The following FAT3 variants were observed in gnomAD, a reference collection of about 807,000 sequenced individuals.
FAT3 encodes FAT atypical cadherin 3, also known as protocadherin Fat 3.
In FAT3, 95 loss-of-function variants were observed where a neutral mutation model predicts 310.2. The ratio of observed to expected loss-of-function variants is 0.31; its 90% confidence interval spans 0.26 to 0.36. The LOEUF (loss-of-function observed/expected upper bound fraction) is 0.36. Ranked by LOEUF, FAT3 falls within the 10% of genes least tolerant of loss-of-function variation. FAT3 has a pLI of 1.00. For synonymous variants in FAT3, 2,314 were observed against 2,192.9 expected, an observed-to-expected ratio of 1.06 and a Z score of -1.54; for missense variants, 5,408 against 5,715.6, an observed-to-expected ratio of 0.95 and a Z score of 1.74.
chr11:92,883,318 A>G lies in FAT3; in HGVS notation c.12862A>G (p.Asn4288Asp). Residue 4288 changes from asparagine to aspartate, a missense_variant, in exon 24 of 28, where the codon AAC becomes GAC. Transcript: ENST00000525166. The surrounding 1 kb of genome is among the most constrained non-coding windows in gnomAD (Gnocchi z 4.2). ...RGVVVCSVAP[N>D]LPAVSPCRSD... Reference sequence around the variant, plus strand: ...CGTGGTCGTGTGCAGTGTGGCCCCCAACCTCCCCGCCGTGTCACCCTGCCG... The same window carrying G: ...CGTGGTCGTGTGCAGTGTGGCCCCCGACCTCCCCGCCGTGTCACCCTGCCG... The G allele has an allele frequency of 6.2e-7, 1 of 1,610,650 alleles. No individual in the cohort carries two copies. The highest frequency in any genetic ancestry group is 8.5e-7 in the Non-Finnish European group (1 of 1,178,554).
At chr11:92,769,064 G>A (rs1284981275) in intron 6 of FAT3, among the ~76,000 whole-genome samples, 2 of 151,996 alleles carry the variant, frequency 1.3e-5, no homozygotes, top group Non-Finnish European at 2.9e-5. Context: ...GCATTTCTTT[G>A]TCTCCCACCA....
At chr11:92,476,696 CAG>C (rs1359687752) in intron 2 of FAT3, among the ~76,000 whole-genome samples, 2 of 152,150 alleles carry the variant, frequency 1.3e-5, no homozygotes, top group Non-Finnish European at 2.9e-5. Flanking sequence ...CGAAGACACT[CAG>C]AGTGCTTGGG....
At chr11:92,710,676 G>A (rs1347601148) in intron 4 of FAT3, among the ~76,000 whole-genome samples, 1 of 152,170 alleles carries the variant, frequency 6.6e-6, no homozygotes, top group Non-Finnish European at 1.5e-5. Flanking sequence ...CTTCATCTCT[G>A]AATGAAGAAT....
rs1412183965 is a variant in FAT3, at chr11:92,857,951, T to TA, written c.11500+604dup. On this transcript the variant is annotated intron_variant, in intron 20 of 27. Transcript: ENST00000525166. ...GTTTCTGATCTTCATTCAATTTCTA[T>TA]ACTTCATTTGATTCATATATTCTCT... Among the ~76,000 whole-genome samples, 86 of 152,218 alleles carry TA rather than the reference T, an allele frequency of 5.6e-4. 1 individual carries two copies. The highest frequency in any genetic ancestry group is 2.0e-3 in the African/African-American group (82 of 41,434).
intron 3 of FAT3, among the ~76,000 whole-genome samples, chr11:92,565,208 A>G: frequency 6.7e-6 from 1 of 150,288 alleles, no homozygotes; most frequent in East Asian, 2.0e-4. Context: ...AGGGGATATC[A>G]CCACCGATCC....
chr11:92,240,463 T>C (rs1225319367), intron 1 of FAT3, among the ~76,000 whole-genome samples: 1 of 151,902 alleles, frequency 6.6e-6, no homozygotes, highest in Non-Finnish European at 1.5e-5. Context: ...ATCCAGTGTA[T>C]TTAAAAGAAG....
At chr11:92,493,178 A>ATATT (rs1952657866) in intron 2 of FAT3, among the ~76,000 whole-genome samples, 1 of 152,038 alleles carries the variant, frequency 6.6e-6, no homozygotes, top group Non-Finnish European at 1.5e-5. Flanking sequence ...CCAGAAATGA[A>ATATT]TATTTTTTCC....
chr11:92,571,811 C>G (rs999462150), intron 3 of FAT3, among the ~76,000 whole-genome samples: 1 of 151,906 alleles, frequency 6.6e-6, no homozygotes. Context: ...CCAATTTTGA[C>G]TTCCTTCTGC....
At chr11:92,613,690 G>A (rs1940673492) in intron 3 of FAT3, among the ~76,000 whole-genome samples, 1 of 152,142 alleles carries the variant, frequency 6.6e-6, no homozygotes, top group Non-Finnish European at 1.5e-5. Flanking sequence ...CCTCATCACG[G>A]TATCAGGCAA....
At chr11:92,587,141 T>C (rs1939197029) in intron 3 of FAT3, among the ~76,000 whole-genome samples, 1 of 152,046 alleles carries the variant, frequency 6.6e-6, no homozygotes, top group African/African-American at 2.4e-5. Context: ...TTTAATTTTA[T>C]ATTAAATTGT....
chr11:92,840,828 G>A (rs887199386), intron 18 of FAT3, 69 bp downstream of exon 18: 1 of 1,396,508 alleles, frequency 7.2e-7, no homozygotes, highest in Non-Finnish European at 9.5e-7. Flanking sequence ...CCCCTTTGGT[G>A]GATTTTTTTC....
intron 2 of FAT3, among the ~76,000 whole-genome samples, chr11:92,438,265 G>A (rs2135061233): frequency 6.6e-6 from 1 of 152,226 alleles, no homozygotes; most frequent in Admixed American, 6.5e-5. Flanking sequence ...GATCCTTTGT[G>A]ATCTATGATT....
chr11:92,235,828 C>T (rs1864394948), intron 1 of FAT3, among the ~76,000 whole-genome samples: 1 of 152,160 alleles, frequency 6.6e-6, no homozygotes, highest in Non-Finnish European at 1.5e-5. Flanking sequence ...GTTGGGAACA[C>T]ATCAAGAGGG....
At chr11:92,503,767 T>C (rs1308240872) in intron 2 of FAT3, among the ~76,000 whole-genome samples, 2 of 152,154 alleles carry the variant, frequency 1.3e-5, no homozygotes, top group East Asian at 3.9e-4. Flanking sequence ...TATCTTAAGT[T>C]GATCATTACT....
chr11:92,469,929 A>C (rs1301119071), intron 2 of FAT3, among the ~76,000 whole-genome samples: 4 of 152,220 alleles, frequency 2.6e-5, no homozygotes, highest in African/African-American at 9.6e-5. Flanking sequence ...GTTTTGTTTC[A>C]TTTACATGTT....
intron 1 of FAT3, among the ~76,000 whole-genome samples, chr11:92,268,042 C>G (rs1261271739): frequency 1.4e-5 from 2 of 146,672 alleles, no homozygotes; most frequent in South Asian, 2.1e-4. Flanking sequence ...GTTATCTGCC[C>G]TAAGTCCTTC....
intron 3 of FAT3, among the ~76,000 whole-genome samples, chr11:92,560,464 G>A (rs1260112074): frequency 6.7e-6 from 1 of 148,334 alleles, no homozygotes; most frequent in Non-Finnish European, 1.5e-5. Flanking sequence ...TTTTTTATTT[G>A]TATTGCTTGT....
intron 1 of FAT3, among the ~76,000 whole-genome samples, chr11:92,314,777 A>G (rs1947392856): frequency 6.6e-6 from 1 of 152,190 alleles, no homozygotes; most frequent in Non-Finnish European, 1.5e-5. Context: ...CTTGCAAACT[A>G]CAGGGCCAAG....
chr11:92,315,512 TAGAGAGAGAGAGAGAGAGAG>T (rs374021850), intron 1 of FAT3, among the ~76,000 whole-genome samples: 1 of 56,170 alleles, frequency 1.8e-5, no homozygotes, highest in Non-Finnish European at 3.3e-5. Flanking sequence ...TATATATATA[TAGAGAGAGAGAGAGAGAGAG>T]AGAGAGAGAG....
Sources: gnomAD v4.1 joint callset for allele counts (sites outside exome capture counted in the v4.1 genomes callset) on GRCh38, gnomAD v4.1.1 for gene constraint, Gnocchi (gnomAD v3.1) non-coding constraint, MANE v1.5 for transcripts, NCBI Gene and HGNC (gene_info 2026-07-23, HGNC 2026-07-21) for gene names.